Variants in METTL9 observed in about 807,000 individuals in gnomAD.
METTL9 encodes methyltransferase 9, His-X-His N1(pi)-histidine.
Under a neutral mutation model 36.0 loss-of-function variants are expected in METTL9, and 10 were observed. That is an observed-to-expected ratio of 0.28 (90% CI 0.17 to 0.47). The LOEUF is 0.47. Ranked by LOEUF, METTL9 falls within the 20% of genes least tolerant of loss-of-function variation. The pLI, the probability that METTL9 is intolerant of heterozygous loss-of-function variation, is 0.99. For synonymous variants in METTL9, 175 were observed against 149.7 expected (o/e 1.17, Z -1.23); for missense variants, 246 against 383.5 (o/e 0.64, Z 3.00).
At chr16:21,621,304 A>G (rs1673180648) in intron 3 of METTL9, among the ~76,000 whole-genome samples, 1 of 151,446 alleles carries the variant, frequency 6.6e-6, no homozygotes, top group Non-Finnish European at 1.5e-5. Flanking sequence ...TGAGCAAAAC[A>G]CACCTTTTTA....
chr16:21,598,957 G>T (rs759470481), upstream of METTL9, among the ~76,000 whole-genome samples: 3 of 152,152 alleles, frequency 2.0e-5, no homozygotes, highest in Non-Finnish European at 4.4e-5. Flanking sequence ...CAGGCTTGGG[G>T]AACGGGGCAG....
chr16:21,613,436 C>T (rs1183084259), intron 2 of METTL9, among the ~76,000 whole-genome samples: 1 of 151,908 alleles, frequency 6.6e-6, no homozygotes, highest in East Asian at 1.9e-4. Context: ...ACCTTTGCCT[C>T]CCAAAGTGCT....
At chr16:21,608,682 C>T (rs1203120532) in intron 1 of METTL9, among the ~76,000 whole-genome samples, 11 of 152,126 alleles carry the variant, frequency 7.2e-5, no homozygotes, top group Admixed American at 7.2e-4. Flanking sequence ...GATGGATAGG[C>T]ACTAGGAATG....
intron 3 of METTL9, among the ~76,000 whole-genome samples, chr16:21,619,043 C>T (rs1459481362): frequency 1.3e-5 from 2 of 152,090 alleles, no homozygotes; most frequent in Non-Finnish European, 2.9e-5. Context: ...TATGCATGTA[C>T]CACATTTTGT....
intron 1 of METTL9, among the ~76,000 whole-genome samples, chr16:21,610,557 C>A (rs752353171): frequency 6.6e-6 from 1 of 152,202 alleles, no homozygotes; most frequent in Non-Finnish European, 1.5e-5. Context: ...GTTCAATAAG[C>A]AGTTTCTTTC....
At chr16:21,619,518 T>G (rs939929334) in intron 3 of METTL9, among the ~76,000 whole-genome samples, 23 of 151,832 alleles carry the variant, frequency 1.5e-4, no homozygotes, top group African/African-American at 5.6e-4. Flanking sequence ...CCTCCTGGAT[T>G]CAGGCAATTC....
At chr16:21,634,881 C>T (rs531148604) in intron 4 of METTL9, among the ~76,000 whole-genome samples, 2 of 152,168 alleles carry the variant, frequency 1.3e-5, no homozygotes, top group Non-Finnish European at 2.9e-5. Flanking sequence ...CCTAATTCTC[C>T]TTAGTCCTTC....
At chr16:21,647,540 T>G in intron 4 of METTL9, 1 of 1,558,126 alleles carries the variant, frequency 6.4e-7, no homozygotes. Context: ...CCACCTCACT[T>G]TGTGCTTTTA....
At chr16:21,653,761 T>G (rs1373573423) in intron 4 of METTL9, 1 of 152,294 alleles carries the variant, frequency 6.6e-6, no homozygotes, top group Non-Finnish European at 1.5e-5. Flanking sequence ...TCCCCACTAC[T>G]CTGGGTCACT....
intron 4 of METTL9, chr16:21,643,243 C>T: frequency 1.1e-6 from 1 of 951,824 alleles, no homozygotes; most frequent in African/African-American, 1.6e-5. Flanking sequence ...TGCTCTATTG[C>T]CACCGGTCCC....
intron 4 of METTL9, chr16:21,627,439 T>G: frequency 1.1e-6 from 1 of 950,004 alleles, no homozygotes; most frequent in Non-Finnish European, 1.3e-6. Context: ...TTTATTTGGT[T>G]TACTGACCCA....
chr16:21,645,765 C>T (rs1966407179), intron 4 of METTL9, among the ~76,000 whole-genome samples: 2 of 152,300 alleles, frequency 1.3e-5, no homozygotes, highest in Middle Eastern at 3.4e-3. Context: ...GTGAGACATA[C>T]AAATCTCTAA....
At chr16:21,649,410 A>G (rs1966512340) in intron 4 of METTL9, among the ~76,000 whole-genome samples, 1 of 152,166 alleles carries the variant, frequency 6.6e-6, no homozygotes, top group Non-Finnish European at 1.5e-5. Context: ...GGAGGCCTGC[A>G]AGCTTCTCTG....
intron 4 of METTL9, among the ~76,000 whole-genome samples, chr16:21,644,653 T>C (rs1966377174): frequency 6.6e-6 from 1 of 152,214 alleles, no homozygotes; most frequent in African/African-American, 2.4e-5. Flanking sequence ...CCATTTGTCA[T>C]ATTGCTAAGC....
In METTL9 at chr16:21,633,705, G is replaced by A. The variant is rs866048014; in HGVS notation, c.751+8590G>A. On this transcript the variant is annotated intron_variant, in intron 4 of 4. Coordinates refer to ENST00000358154, the MANE Select transcript of METTL9 (RefSeq NM_016025.5). ...GATCTTGCACTAGTCTCCACTGACC[G>A]TTCAGTTTCTGTATTCCTAGAATTG... is the stretch of plus-strand genomic sequence containing the variant. Among the ~76,000 whole-genome samples, 8 of 152,142 alleles carry A rather than the reference G, an allele frequency of 5.3e-5. No individual in the cohort carries two copies. The South Asian group carries it at 6.2e-4, about 12-fold the overall frequency.
chr16:21,614,843 C>G (rs2152894120), intron 2 of METTL9, among the ~76,000 whole-genome samples: 1 of 152,184 alleles, frequency 6.6e-6, no homozygotes, highest in South Asian at 2.1e-4. Flanking sequence ...ATCAGAGAAC[C>G]TAGGATGGTT....
upstream of METTL9, among the ~76,000 whole-genome samples, chr16:21,597,604 A>G (rs1309317391): frequency 1.3e-5 from 2 of 152,166 alleles, no homozygotes; most frequent in Admixed American, 1.3e-4. Flanking sequence ...AGCTACAGCT[A>G]TGTGGTCTCA....
chr16:21,629,736 G>T (rs1965901998), intron 4 of METTL9, among the ~76,000 whole-genome samples: 1 of 152,166 alleles, frequency 6.6e-6, no homozygotes, highest in Non-Finnish European at 1.5e-5. Flanking sequence ...TGGGGACCCA[G>T]CAGGTTGGTG....
At position 21,618,908 on chromosome 16, in the gene METTL9, G is replaced by A. The variant is rs568952087; in HGVS notation, c.566+834G>A. ...TTTTTGTAGTTTTAGTAGGGATAGG[G>A]TTTCACTATTTGGCCAGGCTGGTCT... On this transcript the variant is annotated intron_variant, in intron 3 of 4. Coordinates refer to ENST00000358154, the MANE Select transcript of METTL9 (RefSeq NM_016025.5). Among the ~76,000 whole-genome samples, 137 of 152,054 alleles carry A rather than the reference G, an allele frequency of 9.0e-4. 1 individual carries two copies. The highest frequency in any genetic ancestry group is 3.2e-3 in the African/African-American group (131 of 41,466).
Sources: allele counts gnomAD v4.1 joint callset (sites outside exome capture counted in the v4.1 genomes callset), GRCh38; gene constraint gnomAD v4.1.1; transcripts MANE v1.5; gene names NCBI Gene and HGNC (gene_info 2026-07-23, HGNC 2026-07-21).